The following DPH1 variants were observed in gnomAD, a reference collection of about 807,000 sequenced individuals.
DPH1 encodes diphthamide biosynthesis 1, also known as 2-(3-amino-3-carboxypropyl)histidine synthase subunit 1.
DPH1 carries 59 observed loss-of-function variants against 55.3 expected under a neutral mutation model. The ratio of observed to expected loss-of-function variants is 1.07; its 90% CI spans 0.87 to 1.33. The LOEUF (loss-of-function observed/expected upper bound fraction) is 1.33. Ranked by LOEUF, DPH1 falls within the 40% of genes most tolerant of loss-of-function variation. The probability of loss-of-function intolerance (pLI) is 0.00; values close to 1 mark genes in which losing one functional copy is unlikely to be tolerated. For synonymous variants in DPH1, 238 were observed against 235.5 expected (o/e 1.01, Z -0.10); for missense variants, 628 against 584.8 (o/e 1.07, Z -0.76).
At chr17:2,041,246 G>A in intron 10 of DPH1, 65 bp downstream of exon 10, 1 of 1,548,146 alleles carries the variant, frequency 6.5e-7, no homozygotes, top group South Asian at 1.2e-5. Context: ...GTCTGGAGTG[G>A]AGTGGGGTGG....
At chr17:2,039,722 A>G in intron 6 of DPH1, 33 bp from the exon 7 acceptor site, 3 of 1,613,818 alleles carry the variant, frequency 1.9e-6, no homozygotes, top group Non-Finnish European at 2.5e-6. Flanking sequence ...CTGCTGCCCT[A>G]AACCACACTT....
At chr17:2,033,736 C>T in intron 2 of DPH1, 43 bp from the exon 3 acceptor site, 2 of 1,614,142 alleles carry the variant, frequency 1.2e-6, no homozygotes, top group South Asian at 2.2e-5. Context: ...CCTTGCAGCC[C>T]CTTCCTAGCC....
chr17:2,042,929 C>T lies in DPH1; in HGVS notation c.*343C>T, dbSNP rs752374799. 17 of 1,614,056 alleles carry T rather than the reference C, an allele frequency of 1.1e-5. No individual in the cohort carries two copies. In the African/African-American group the frequency reaches 1.5e-4, roughly 14 times the overall value. ...ATCCTGCAAAGGCCCTTGTCATTGC[C>T]TTCGCTCCATGTTTTTGGGGACACT... On this transcript the variant is annotated 3_prime_UTR_variant, in exon 13 of 13. Coordinates refer to ENST00000263083, the MANE Select transcript of DPH1 (RefSeq NM_001383.6).
In DPH1 at chr17:2,043,220, T is replaced by A; in HGVS notation, c.*634T>A. ...GTGAGTGCGCCTCACCAGAACCAGT[T>A]AAGAGACAACTATCAATTCTTGAGA... On this transcript the variant is annotated 3_prime_UTR_variant, in exon 13 of 13. Coordinates refer to ENST00000263083, the MANE Select transcript of DPH1 (RefSeq NM_001383.6). 1 of 1,276,920 alleles carries A rather than the reference T, an allele frequency of 7.8e-7. No homozygotes were observed. The highest frequency in any genetic ancestry group is 1.1e-6 in the Non-Finnish European group (1 of 928,330). The allele number at this position is 1,276,920 out of a possible 1,614,324, so 79.1% of individuals were successfully genotyped here. A position where few individuals can be genotyped will look rare whatever the true frequency, so the allele number is the denominator to read the frequency against.
At position 2,041,142 on chromosome 17, in the gene DPH1, G is replaced by T. The variant is rs751871471; in HGVS notation, c.1047G>T (p.Trp349Cys). 3.7e-6 allele frequency: 6 copies of T among 1,606,130 alleles called. No homozygotes were observed. Among genetic ancestry groups the T allele is most frequent in the Non-Finnish European group, 5.1e-6 (6 of 1,176,504 alleles). ...QVACPRLSID[W>C]GTAFPKPLLT... ...CATGTCCACGTCTCTCCATTGACTG[G>T]GGCACAGCCTTCCCCAAGCCGCTGC... is the stretch of plus-strand genomic sequence containing the variant. Residue 349 changes from tryptophan (W) to cysteine (C), a missense_variant, in exon 10 of 13, where the codon TGG becomes TGT. Transcript: ENST00000263083.
Position 2,030,205 on chromosome 17 carries a change from G to A in DPH1, c.36G>A (p.Gln12=). Residue 12 remains glutamine, a synonymous_variant, in exon 1 of 13, where the codon CAG becomes CAA. Coordinates refer to ENST00000263083, the MANE Select transcript of DPH1 (RefSeq NM_001383.6). ...TGGTCGTATCCGGGGCAGCGGAGCA[G>A]GGCGGCCGAGACGGCCCTGGCAGAG... The part of the protein sequence containing the change: ...AALVVSGAAE[Q]GGRDGPGRGR... The A allele has an allele frequency of 1.3e-6, 2 of 1,598,202 alleles. No homozygotes were observed. Among genetic ancestry groups the A allele is most frequent in the Non-Finnish European group, 1.7e-6 (2 of 1,173,494 alleles).
intron 1 of DPH1, among the ~76,000 whole-genome samples, chr17:2,031,817 G>A (rs560593506): frequency 5.3e-5 from 8 of 152,138 alleles, no homozygotes; most frequent in Non-Finnish European, 1.2e-4. Context: ...ACCAGAGTAA[G>A]AGTTGCAGTT....
chr17:2,036,068 T>C lies in DPH1; in HGVS notation c.377T>C (p.Val126Ala). The C allele has an allele frequency of 5.6e-6, 9 of 1,613,932 alleles. No homozygotes were observed. Among genetic ancestry groups the C allele is most frequent in the Non-Finnish European group, 7.6e-6 (9 of 1,179,926 alleles). Residue 126 changes from valine (V) to alanine (A), a missense_variant, in exon 4 of 13, where the codon GTG becomes GCG. By Grantham distance (64) the Val-to-Ala change is moderately conservative. Coordinates refer to ENST00000263083, the MANE Select transcript of DPH1 (RefSeq NM_001383.6). The surrounding 1 kb of genome is among the most constrained non-coding windows in gnomAD (Gnocchi z 4.8). ...TARALGADFL[V>A]HYGHSCLIPM... is the part of the protein sequence containing the mutation. ...AGGGCCCTGGGAGCTGACTTCTTGG[T>C]GCACTACGGCCACAGTTGCCTGAGT...
At chr17:2,041,344 A>C (rs866976182) in intron 10 of DPH1, 137 bp from the exon 11 acceptor site, 1 of 1,461,514 alleles carries the variant, frequency 6.8e-7, no homozygotes. Context: ...AGCCTTAGGC[A>C]AGGCCCTGAA....
chr17:2,041,402 C>T (rs953065560), intron 10 of DPH1, 79 bp from the exon 11 acceptor site: 6 of 1,544,652 alleles, frequency 3.9e-6, no homozygotes, highest in Middle Eastern at 1.7e-4. Context: ...CTTCACAGGC[C>T]GTCGTGAGGA....
chr17:2,043,274 T>C lies in DPH1; in HGVS notation c.*688T>C. The C allele has an allele frequency of 1.3e-6, 1 of 789,196 alleles. No homozygotes were observed. The allele number at this position is 789,196 out of a possible 1,614,324, so 48.9% of individuals were successfully genotyped here. ...AAATTATAAGGGCCCTGCCCTGTACTGAAGAAAAGGGGAGCACAAGGCCTT... is the reference window on the plus strand; with the variant it reads ...AAATTATAAGGGCCCTGCCCTGTACCGAAGAAAAGGGGAGCACAAGGCCTT... On this transcript the variant is annotated 3_prime_UTR_variant, in exon 13 of 13. Coordinates refer to ENST00000263083, the MANE Select transcript of DPH1 (RefSeq NM_001383.6).
At chr17:2,041,251 G>T in intron 10 of DPH1, 70 bp downstream of exon 10, 1 of 1,538,436 alleles carries the variant, frequency 6.5e-7, no homozygotes, top group East Asian at 2.4e-5. Context: ...GAGTGGAGTG[G>T]GGTGGGTGGG....
intron 3 of DPH1, among the ~76,000 whole-genome samples, 195 bp downstream of exon 3, chr17:2,034,037 T>G (rs915261795): frequency 1.3e-5 from 2 of 152,156 alleles, no homozygotes; most frequent in African/African-American, 4.8e-5. Flanking sequence ...AGAGCCCTGC[T>G]TGTCCCTGCA....
At position 2,039,810 on chromosome 17, in the gene DPH1, G is replaced by A. The variant is rs201609069; in HGVS notation, c.736G>A (p.Val246Ile). The A allele has an allele frequency of 8.1e-6, 13 of 1,614,142 alleles. No homozygotes were observed. The African/African-American group carries it at 1.3e-4, about 17-fold the overall frequency. The change falls in exon 7 of 13, where the codon GTC (valine) becomes ATC (isoleucine). Residue 246 changes from valine to isoleucine, a missense_variant. Val to Ile is a conservative substitution (Grantham distance 29). Transcript: ENST00000263083. ...LESVMIANPN[V>I]PAYRYDPYSK... ...GTCTGTCATGATTGCCAACCCCAAT[G>A]TCCCCGCTTACCGGTATGGGCTGGG...
intron 6 of DPH1, chr17:2,037,324 G>A (rs1043443221): frequency 4.0e-5 from 7 of 173,298 alleles, no homozygotes; most frequent in Admixed American, 2.9e-4. Context: ...GTCTCCTGCC[G>A]CCTAATTATT....
At position 2,040,342 on chromosome 17, in the gene DPH1, T is replaced by C; in HGVS notation, c.874T>C (p.Leu292=). The change falls in exon 8 of 13, where the codon TTG becomes CTG. Residue 292 remains leucine (L), a synonymous_variant. Coordinates refer to ENST00000263083, the MANE Select transcript of DPH1 (RefSeq NM_001383.6). ...GTCCTGGGGCCTTATTCTGGGCACT[T>C]TGGGCCGCCAGGGCAGTCCTAAGAT... ...AKSWGLILGT[L]GRQGSPKILE... 5.0e-6 allele frequency: 8 copies of C among 1,613,930 alleles called. No individual in the cohort carries two copies. Among genetic ancestry groups the C allele is most frequent in the South Asian group, 4.4e-5 (4 of 91,086 alleles).
Position 2,040,584 on chromosome 17 carries a change from G to A in DPH1, c.986G>A (p.Ser329Asn). The A allele has an allele frequency of 6.2e-7, 1 of 1,614,184 alleles. No individual in the cohort carries two copies. Among genetic ancestry groups the A allele is most frequent in the Non-Finnish European group, 8.5e-7 (1 of 1,180,010 alleles). Residue 329 changes from serine (S) to asparagine (N), a missense_variant, in exon 9 of 13, where the codon AGC (serine) becomes AAC (asparagine). Transcript: ENST00000263083. ...LLSEIFPSKL[S>N]LLPEVDVWVQ... is the part of the protein sequence containing the mutation. Reference sequence around the variant, plus strand: ...TCTGAGATCTTCCCCAGCAAGCTTAGCCTACTTCCTGAGGTGGATGTGTGA... The same window carrying A: ...TCTGAGATCTTCCCCAGCAAGCTTAACCTACTTCCTGAGGTGGATGTGTGA...
At chr17:2,040,778 G>A in intron 9 of DPH1, 173 bp downstream of exon 9, 1 of 706,596 alleles carries the variant, frequency 1.4e-6, no homozygotes, top group Non-Finnish European at 2.3e-6. Flanking sequence ...GGACTTTGGG[G>A]CTCAGAGGCA....
Position 2,041,876 on chromosome 17 carries a change from G to A in DPH1, c.*18+1G>A. On this transcript the variant is annotated splice_donor_variant, in intron 12 of 12. Transcript: ENST00000263083. LOFTEE classifies it low-confidence loss of function (3UTR_SPLICE). ...TCCTTGACGCGCTCCCGGGCCTCAGGTATCAGCCCCCGCTCTGGGTGCGCC... is the reference window on the plus strand; with the variant it reads ...TCCTTGACGCGCTCCCGGGCCTCAGATATCAGCCCCCGCTCTGGGTGCGCC... The A allele has an allele frequency of 6.3e-7, 1 of 1,575,090 alleles. No individual in the cohort carries two copies. The highest frequency in any genetic ancestry group is 1.2e-5 in the South Asian group (1 of 86,932).
Sources: gnomAD v4.1 joint callset for allele counts (sites outside exome capture counted in the v4.1 genomes callset) on GRCh38, gnomAD v4.1.1 for gene constraint, Gnocchi (gnomAD v3.1) non-coding constraint, MANE v1.5 for transcripts, NCBI Gene and HGNC (gene_info 2026-07-23, HGNC 2026-07-21) for gene names.